The following DAB1 variants were observed in gnomAD, a reference collection of about 807,000 sequenced individuals.
The protein encoded by DAB1 is disabled homolog 1.
In DAB1, 15 loss-of-function variants were observed where a neutral mutation model predicts 64.6. That is an observed-to-expected ratio of 0.23 (90% CI 0.16 to 0.36). DAB1 has a LOEUF of 0.36. Ranked by LOEUF, DAB1 falls within the 10% of genes least tolerant of loss-of-function variation. DAB1 has a pLI of 1.00. For missense variants in DAB1, 596 were observed against 706.7 expected (o/e 0.84, Z 1.78); for synonymous variants, 235 against 251.9 (o/e 0.93, Z 0.64).
At chr1:57,567,067 G>T (rs186065104) in intron 7 of DAB1, among the ~76,000 whole-genome samples, 2 of 152,154 alleles carry the variant, frequency 1.3e-5, no homozygotes, top group African/African-American at 4.8e-5. Context: ...ACATCAAAAA[G>T]CTTATCCACC....
At chr1:58,249,992 C>T (rs1660731448) in intron 4 of DAB1, among the ~76,000 whole-genome samples, 1 of 152,226 alleles carries the variant, frequency 6.6e-6, no homozygotes, top group Non-Finnish European at 1.5e-5. Context: ...GCGGCAGCCG[C>T]TGCCTGGCTT....
At chr1:58,356,719 T>C (rs968582039) in intron 3 of DAB1, among the ~76,000 whole-genome samples, 3 of 152,026 alleles carry the variant, frequency 2.0e-5, no homozygotes, top group Non-Finnish European at 4.4e-5. Context: ...CCATAGGATT[T>C]TTTTCCCCTA....
intron 3 of DAB1, among the ~76,000 whole-genome samples, chr1:58,442,615 A>AGTGT (rs1312840496): frequency 6.6e-6 from 1 of 152,250 alleles, no homozygotes; most frequent in African/African-American, 2.4e-5. Context: ...TGGAACATCA[A>AGTGT]AAACCAATAA....
At chr1:58,400,034 T>A (rs138143245) in intron 3 of DAB1, among the ~76,000 whole-genome samples, 1 of 152,026 alleles carries the variant, frequency 6.6e-6, no homozygotes, top group African/African-American at 2.4e-5. Context: ...GAATTTCTCA[T>A]AAGAATACAG....
intron 2 of DAB1, among the ~76,000 whole-genome samples, chr1:57,221,215 G>A (rs2100382961): frequency 6.6e-6 from 1 of 151,752 alleles, no homozygotes; most frequent in Non-Finnish European, 1.5e-5. Flanking sequence ...CTTGGACACA[G>A]GAAGGGGAAC....
intron 1 of DAB1, among the ~76,000 whole-genome samples, chr1:57,841,059 C>A (rs1240467394): frequency 6.6e-6 from 1 of 152,206 alleles, no homozygotes; most frequent in Non-Finnish European, 1.5e-5. Flanking sequence ...TTCCAAGATA[C>A]AATGGGGGTA....
intron 4 of DAB1, among the ~76,000 whole-genome samples, chr1:58,232,309 C>T (rs1428682737): frequency 6.6e-6 from 1 of 152,172 alleles, no homozygotes; most frequent in Non-Finnish European, 1.5e-5. Flanking sequence ...TGCCATGGAG[C>T]TAGAAGTGGT....
intron 3 of DAB1, among the ~76,000 whole-genome samples, chr1:58,349,533 C>T (rs1054374951): frequency 2.0e-5 from 3 of 151,902 alleles, no homozygotes; most frequent in African/African-American, 4.8e-5. Context: ...TAGGTATGCA[C>T]ATACCATGGT....
intron 7 of DAB1, among the ~76,000 whole-genome samples, chr1:57,585,248 GAAAAA>G (rs61528761): frequency 3.2e-4 from 14 of 44,284 alleles, no homozygotes; most frequent in African/African-American, 1.2e-3. Context: ...GACTCTTTCT[GAAAAA>G]AAAAAAAAAA....
At chr1:57,815,083 T>G (rs183181363) in intron 6 of DAB1, among the ~76,000 whole-genome samples, 48 of 152,168 alleles carry the variant, frequency 3.2e-4, no homozygotes, top group Admixed American at 5.9e-4. Context: ...TGTTTGTTTG[T>G]TTTTTTGAGA....
intron 1 of DAB1, among the ~76,000 whole-genome samples, chr1:58,546,132 G>T (rs1646700246): frequency 6.6e-6 from 1 of 152,220 alleles, no homozygotes. Flanking sequence ...ACGAGTTTAC[G>T]AGGAAATTGT....
intron 1 of DAB1, among the ~76,000 whole-genome samples, chr1:57,295,267 A>G (rs1020800665): frequency 5.9e-5 from 9 of 152,186 alleles, no homozygotes; most frequent in African/African-American, 2.2e-4. Flanking sequence ...ACCTGATATG[A>G]GCCTTGTGTG....
At chr1:57,598,453 GTATT>G (rs1346577953) in intron 7 of DAB1, among the ~76,000 whole-genome samples, 1 of 152,248 alleles carries the variant, frequency 6.6e-6, no homozygotes, top group Non-Finnish European at 1.5e-5. Flanking sequence ...TCTTGTGGGT[GTATT>G]TAAACAGTTA....
At chr1:57,957,398 G>A (rs1570075184) in intron 5 of DAB1, among the ~76,000 whole-genome samples, 2 of 152,358 alleles carry the variant, frequency 1.3e-5, no homozygotes, top group East Asian at 3.9e-4. Context: ...AGGGAAGACT[G>A]TAAGTGAAGC....
intron 6 of DAB1, among the ~76,000 whole-genome samples, chr1:57,733,788 G>A (rs1175264244): frequency 6.6e-6 from 1 of 152,110 alleles, no homozygotes; most frequent in Non-Finnish European, 1.5e-5. Flanking sequence ...AGAAAGTGGG[G>A]AGTGAGATGG....
intron 3 of DAB1, among the ~76,000 whole-genome samples, chr1:58,438,680 AC>A (rs1225654508): frequency 6.6e-6 from 1 of 152,208 alleles, no homozygotes; most frequent in Non-Finnish European, 1.5e-5. Context: ...CAGTGTCTGG[AC>A]ATTCACATGC....
intron 4 of DAB1, among the ~76,000 whole-genome samples, chr1:57,076,330 T>C (rs1651989365): frequency 6.6e-6 from 1 of 152,178 alleles, no homozygotes; most frequent in Non-Finnish European, 1.5e-5. Context: ...AAACCGTTAT[T>C]GTCTTGGGAA....
At chr1:57,324,974 G>C (rs901685561) in intron 1 of DAB1, among the ~76,000 whole-genome samples, 4 of 152,324 alleles carry the variant, frequency 2.6e-5, no homozygotes, top group African/African-American at 9.6e-5. Context: ...TATCCTGTTT[G>C]TACCTTTGAT....
chr1:58,074,552 ATATATATGTGTG>A (rs1649495588), intron 5 of DAB1: 1 of 75,728 alleles, frequency 1.3e-5, no homozygotes, highest in African/African-American at 5.5e-5. Flanking sequence ...ATACACACAT[ATATATATGTGTG>A]TATATATATA....
Sources: gnomAD v4.1 joint callset for allele counts (sites outside exome capture counted in the v4.1 genomes callset) on GRCh38, gnomAD v4.1.1 for gene constraint, MANE v1.5 for transcripts, NCBI Gene and HGNC (gene_info 2026-07-23, HGNC 2026-07-21) for gene names.